The following ERICH1 variants were observed in gnomAD, a reference collection of about 807,000 sequenced individuals.
The protein encoded by ERICH1 is glutamate rich 1.
Under a neutral mutation model 39.6 loss-of-function variants are expected in ERICH1, and 56 were observed. The ratio of observed to expected loss-of-function variants is 1.41; its 90% CI spans 1.14 to 1.77. The LOEUF (loss-of-function observed/expected upper bound fraction) is 1.77. Ranked by LOEUF, ERICH1 falls within the 40% of genes most tolerant of loss-of-function variation. The pLI, the probability that ERICH1 is intolerant of heterozygous loss-of-function variation, is 0.00. For synonymous variants in ERICH1, 313 were observed against 223.6 expected (o/e 1.40, Z -3.57); for missense variants, 826 against 575.4 (o/e 1.44, Z -4.45).
At chr8:655,838 A>T (rs1002242865) in intron 3 of ERICH1, among the ~76,000 whole-genome samples, 2 of 151,908 alleles carry the variant, frequency 1.3e-5, no homozygotes, top group Admixed American at 1.3e-4. Context: ...TTAACTCACG[A>T]CCACGTTTTT....
intron 2 of ERICH1, among the ~76,000 whole-genome samples, chr8:705,411 C>T (rs1370648512): frequency 6.6e-6 from 1 of 152,182 alleles, no homozygotes; most frequent in African/African-American, 2.4e-5. Flanking sequence ...TCTCTTTTTC[C>T]AGATGCAAGT....
At chr8:657,989 C>A (rs141028453) in intron 3 of ERICH1, among the ~76,000 whole-genome samples, 1 of 152,214 alleles carries the variant, frequency 6.6e-6, no homozygotes, top group Non-Finnish European at 1.5e-5. Context: ...CCCACCAGCC[C>A]CCAAGGGGCA....
intron 2 of ERICH1, among the ~76,000 whole-genome samples, chr8:700,625 C>G (rs1318740586): frequency 1.3e-5 from 2 of 152,210 alleles, no homozygotes; most frequent in African/African-American, 2.4e-5. Context: ...TCCTCACTAT[C>G]CAGCTTCCAA....
At chr8:628,128 C>T (rs961849787) in intron 3 of ERICH1, among the ~76,000 whole-genome samples, 5 of 152,218 alleles carry the variant, frequency 3.3e-5, no homozygotes, top group Non-Finnish European at 5.9e-5. Context: ...GAGGAAGCAA[C>T]ATGGCTTCTT....
At chr8:716,106 C>A in intron 1 of ERICH1, 99 bp from the exon 2 acceptor site, 1 of 1,403,766 alleles carries the variant, frequency 7.1e-7, no homozygotes, top group African/African-American at 1.5e-5. Context: ...ACACACACAT[C>A]CTGAAAGCAC....
intron 3 of ERICH1, among the ~76,000 whole-genome samples, chr8:651,021 G>A (rs979433609): frequency 6.6e-6 from 1 of 152,234 alleles, no homozygotes; most frequent in Non-Finnish European, 1.5e-5. Flanking sequence ...CCACGATAGA[G>A]CTCTAGTCTT....
chr8:627,079 G>A (rs935521880), intron 3 of ERICH1: 16 of 455,044 alleles, frequency 3.5e-5, no homozygotes, highest in Non-Finnish European at 6.6e-5. Context: ...GGCTCCAGCA[G>A]GACGGGGATG....
chr8:618,985 C>T (rs779434808), intron 3 of ERICH1, among the ~76,000 whole-genome samples: 9 of 152,092 alleles, frequency 5.9e-5, no homozygotes, highest in Admixed American at 1.3e-4. Context: ...TAAGGGCATA[C>T]GCAGAATGAA....
intron 3 of ERICH1, among the ~76,000 whole-genome samples, chr8:638,146 C>G (rs976469298): frequency 1.3e-5 from 2 of 152,256 alleles, no homozygotes; most frequent in South Asian, 4.1e-4. Flanking sequence ...TGAGGAAGGG[C>G]CCAGCATCCT....
intron 3 of ERICH1, chr8:640,494 T>C (rs1798857603): frequency 6.6e-6 from 1 of 152,270 alleles, no homozygotes; most frequent in South Asian, 2.1e-4. Context: ...GACCGCTGCT[T>C]TCCAGTCCTA....
intron 5 of ERICH1, chr8:665,973 C>T (rs1049816928): frequency 2.0e-5 from 3 of 152,198 alleles, no homozygotes; most frequent in Admixed American, 6.5e-5. Flanking sequence ...TAAACAAATA[C>T]AACGTGTGAA....
intron 3 of ERICH1, among the ~76,000 whole-genome samples, chr8:621,101 A>C (rs1413791348): frequency 6.6e-6 from 1 of 152,232 alleles, no homozygotes; most frequent in African/African-American, 2.4e-5. Flanking sequence ...TAAATTAAAA[A>C]TCAGTAATAG....
chr8:644,294 T>C (rs906438538), intron 3 of ERICH1, among the ~76,000 whole-genome samples: 1 of 152,246 alleles, frequency 6.6e-6, no homozygotes, highest in African/African-American at 2.4e-5. Flanking sequence ...TCCTTCTTCC[T>C]TTCCATATGC....
intron 3 of ERICH1, among the ~76,000 whole-genome samples, chr8:630,801 G>A (rs1244149489): frequency 2.1e-5 from 3 of 139,858 alleles, no homozygotes; most frequent in Admixed American, 7.1e-5. Context: ...ACACCCTCCC[G>A]TGACCACCCA....
intron 4 of ERICH1, chr8:672,220 C>A (rs1334841279): frequency 6.6e-6 from 1 of 152,272 alleles, no homozygotes; most frequent in African/African-American, 2.4e-5. Flanking sequence ...CGATCACACA[C>A]AGAATAGAAA....
intron 3 of ERICH1, among the ~76,000 whole-genome samples, chr8:638,113 C>T (rs190670628): frequency 6.6e-6 from 1 of 152,358 alleles, no homozygotes; most frequent in African/African-American, 2.4e-5. Flanking sequence ...GCTGCGGGAG[C>T]ACAACCCAGG....
intron 3 of ERICH1, among the ~76,000 whole-genome samples, chr8:689,113 CTT>C: frequency 9.0e-6 from 1 of 110,844 alleles, no homozygotes; most frequent in Non-Finnish European, 2.0e-5. Flanking sequence ...CACGTATGAT[CTT>C]TTTTTTCTTT....
At chr8:651,117 G>A (rs1167269990) in intron 3 of ERICH1, among the ~76,000 whole-genome samples, 4 of 152,194 alleles carry the variant, frequency 2.6e-5, no homozygotes, top group Non-Finnish European at 1.5e-5. Flanking sequence ...GCTTGATTCA[G>A]GCCAACATTG....
intron 4 of ERICH1, chr8:671,926 C>T (rs1207460760): frequency 3.7e-5 from 6 of 160,878 alleles, no homozygotes; most frequent in Non-Finnish European, 1.4e-5. Flanking sequence ...GGGCTCCAGG[C>T]TCTGCTTTTG....
Sources: gnomAD v4.1 joint callset for allele counts (sites outside exome capture counted in the v4.1 genomes callset) on GRCh38, gnomAD v4.1.1 for gene constraint, MANE v1.5 for transcripts, NCBI Gene and HGNC (gene_info 2026-07-23, HGNC 2026-07-21) for gene names.